Variants in PEAK1 observed in about 807,000 individuals in gnomAD.
PEAK1 encodes inactive tyrosine-protein kinase PEAK1.
PEAK1 carries 54 observed loss-of-function variants against 124.7 expected under a neutral mutation model. That is an observed-to-expected ratio of 0.43 (90% CI 0.35 to 0.54). PEAK1 has a LOEUF of 0.54. PEAK1 is among the 20% of genes least tolerant of loss of function. PEAK1 has a pLI of 0.01. For missense variants in PEAK1, 2,046 were observed against 2,134.5 expected (o/e 0.96, Z 0.82); for synonymous variants, 719 against 760.0 (o/e 0.95, Z 0.89).
Position 77,133,995 on chromosome 15 carries a change from G to A in PEAK1, c.3332-245C>T, listed in dbSNP as rs760888943. Among the ~76,000 whole-genome samples, 10 of 152,150 alleles carry A rather than the reference G, an allele frequency of 6.6e-5. No individual in the cohort carries two copies. The highest frequency in any genetic ancestry group is 1.3e-4 in the Non-Finnish European group (9 of 68,020). On this transcript the variant is annotated intron_variant, in intron 8 of 9. Transcript: ENST00000682557. The surrounding 1 kb of genome is among the most constrained non-coding windows in gnomAD (Gnocchi z 4.2). ...GGCCTTGTCTAGGAACAGGGCACTG[G>A]TTTGGGTGATGAGTTTTGTTTTCAA...
intron 2 of PEAK1, chr15:77,346,684 G>C (rs991155848): frequency 1.0e-6 from 1 of 983,750 alleles, no homozygotes; most frequent in South Asian, 4.7e-5. Context: ...AACATTAATT[G>C]TATCTTCCTG....
chr15:77,244,284 GTAATTATCACAGATT>G (rs2060483133), intron 6 of PEAK1, among the ~76,000 whole-genome samples: 1 of 152,182 alleles, frequency 6.6e-6, no homozygotes, highest in Admixed American at 6.5e-5. Context: ...TGAGACTGAG[GTAATTATCACAGATT>G]TCAGTGGCAG....
At chr15:77,270,405 T>A (rs921983507) in intron 5 of PEAK1, among the ~76,000 whole-genome samples, 2 of 152,176 alleles carry the variant, frequency 1.3e-5, no homozygotes, top group Non-Finnish European at 2.9e-5. Flanking sequence ...AAAATCTCCT[T>A]AAGCTGATAG....
chr15:77,371,719 C>G (rs2068655321), intron 1 of PEAK1, among the ~76,000 whole-genome samples: 1 of 152,180 alleles, frequency 6.6e-6, no homozygotes. Flanking sequence ...GAAATGCCGT[C>G]TCTACTAAAA....
At chr15:77,342,746 C>T (rs1369679909) in intron 2 of PEAK1, among the ~76,000 whole-genome samples, 1 of 152,232 alleles carries the variant, frequency 6.6e-6, no homozygotes, top group East Asian at 1.9e-4. Flanking sequence ...TTTCACTTAG[C>T]ATAATGTCTT....
chr15:77,114,849 A>G lies in PEAK1; in HGVS notation c.4548T>C (p.Asp1516=). The G allele has an allele frequency of 6.2e-7, 1 of 1,613,642 alleles. No individual in the cohort carries two copies. The highest frequency in any genetic ancestry group is 1.7e-5 in the Admixed American group (1 of 60,018). Residue 1516 remains aspartate (D), a synonymous_variant, in exon 10 of 10, where the codon GAT becomes GAC. Transcript: ENST00000682557. ...HLKPYHVTHC[D]LRLENLLLVH... ...CAAGTAGCAGGTTCTCTAGGCGTAG[A>G]TCGCAGTGAGTGACATGGTAGGGTT...
intron 6 of PEAK1, among the ~76,000 whole-genome samples, chr15:77,214,423 T>C (rs1236865537): frequency 1.3e-5 from 2 of 150,988 alleles, no homozygotes; most frequent in Non-Finnish European, 2.9e-5. Context: ...GAGACCATCC[T>C]GGCTAACCCG....
intron 6 of PEAK1, among the ~76,000 whole-genome samples, chr15:77,225,666 T>TTATATTTATA (rs2059604465): frequency 1.1e-5 from 1 of 87,994 alleles, no homozygotes; most frequent in Non-Finnish European, 2.3e-5. Context: ...TGTGTATAAT[T>TTATATTTATA]TATATATATA....
intron 8 of PEAK1, among the ~76,000 whole-genome samples, chr15:77,141,932 A>G (rs2053822632): frequency 6.6e-6 from 1 of 152,186 alleles, no homozygotes. Context: ...TGGGTTAGGT[A>G]ATGGTTTCTT....
At chr15:77,264,025 G>A (rs1442045486) in intron 5 of PEAK1, among the ~76,000 whole-genome samples, 23 of 152,146 alleles carry the variant, frequency 1.5e-4, no homozygotes, top group Non-Finnish European at 2.8e-4. Context: ...CTCAATAGAT[G>A]CAGAAAAGGC....
At chr15:77,175,230 A>G (rs1296326417) in intron 7 of PEAK1, among the ~76,000 whole-genome samples, 3 of 152,068 alleles carry the variant, frequency 2.0e-5, no homozygotes, top group Non-Finnish European at 4.4e-5. Flanking sequence ...AGCAATGGCA[A>G]GAAAAGCCAA....
At position 77,411,848 on chromosome 15, in the gene PEAK1, G is replaced by A. The variant is rs542065230; in HGVS notation, c.-666+8158C>T. Reference sequence around the variant, plus strand: ...GCTGGTCTCAAATTCCTGGCCTCAAGTGATCCTCCCGCCTCATCCTCCAAA... The same window carrying A: ...GCTGGTCTCAAATTCCTGGCCTCAAATGATCCTCCCGCCTCATCCTCCAAA... On this transcript the variant is annotated intron_variant, in intron 1 of 9. Coordinates refer to ENST00000682557, the MANE Select transcript of PEAK1 (RefSeq NM_001385026.1). Among the ~76,000 whole-genome samples, 6 of 152,168 alleles carry A rather than the reference G, an allele frequency of 3.9e-5. No individual in the cohort carries two copies. The South Asian group carries it at 1.2e-3, about 32-fold the overall frequency.
chr15:77,407,679 C>T (rs1448535899), intron 1 of PEAK1, among the ~76,000 whole-genome samples: 1 of 152,074 alleles, frequency 6.6e-6, no homozygotes, highest in Non-Finnish European at 1.5e-5. Context: ...AGTACAACCA[C>T]TATGGAAAAC....
intron 2 of PEAK1, among the ~76,000 whole-genome samples, chr15:77,326,422 GA>G (rs1304513006): frequency 2.6e-5 from 4 of 152,100 alleles, no homozygotes; most frequent in Non-Finnish European, 2.9e-5. Context: ...CAAAGAAACA[GA>G]AATGCCAAAA....
In PEAK1 at chr15:77,108,698, A is replaced by T. The variant is rs2050815592; in HGVS notation, c.*5458T>A. On this transcript the variant is annotated 3_prime_UTR_variant, in exon 10 of 10. Coordinates refer to ENST00000682557, the MANE Select transcript of PEAK1 (RefSeq NM_001385026.1). ...CTAACGGGCAAAGTGGGTTTTCTGT[A>T]CTACAACAATATTCGTAGCAAAATA... is the stretch of plus-strand genomic sequence containing the variant. 1 of 152,216 alleles carries T rather than the reference A, an allele frequency of 6.6e-6. No homozygotes were observed. Among genetic ancestry groups the T allele is most frequent in the South Asian group, 2.1e-4 (1 of 4,830 alleles). The allele number at this position is 152,216 out of a possible 1,614,324, so 9.4% of individuals were successfully genotyped here. A position where few individuals can be genotyped will look rare whatever the true frequency, so the allele number is the denominator to read the frequency against.
At chr15:77,375,862 G>A (rs553999895) in intron 1 of PEAK1, among the ~76,000 whole-genome samples, 228 of 152,182 alleles carry the variant, frequency 1.5e-3, no homozygotes, top group Non-Finnish European at 2.3e-3. Flanking sequence ...AGCCGGACGC[G>A]GTGGCGGGTG....
chr15:77,311,935 C>T (rs145753206), intron 2 of PEAK1, among the ~76,000 whole-genome samples: 13 of 151,966 alleles, frequency 8.6e-5, no homozygotes, highest in African/African-American at 3.1e-4. Context: ...TTTTAAAGTG[C>T]CTTTAGAAAG....
chr15:77,280,278 C>T (rs1299205207), intron 5 of PEAK1, among the ~76,000 whole-genome samples: 6 of 152,002 alleles, frequency 3.9e-5, no homozygotes, highest in Non-Finnish European at 8.8e-5. Context: ...GAGGCGGAGG[C>T]TGCAGTGAGC....
At chr15:77,339,526 T>C (rs2066408835) in intron 2 of PEAK1, among the ~76,000 whole-genome samples, 1 of 152,224 alleles carries the variant, frequency 6.6e-6, no homozygotes, top group Non-Finnish European at 1.5e-5. Flanking sequence ...AAATGGATTA[T>C]ACACCTAAAT....
Sources: allele counts gnomAD v4.1 joint callset (sites outside exome capture counted in the v4.1 genomes callset), GRCh38; gene constraint gnomAD v4.1.1; non-coding constraint Gnocchi (gnomAD v3.1); transcripts MANE v1.5; gene names NCBI Gene and HGNC (gene_info 2026-07-23, HGNC 2026-07-21).